Variants in TMEM108 observed in about 807,000 individuals in gnomAD.
TMEM108 encodes the protein cancer/testis antigen 124.
A neutral mutation model predicts 35.1 loss-of-function variants in TMEM108; 12 were observed. The observed-to-expected ratio is 0.34, with a 90% CI of 0.22 to 0.55. The LOEUF is 0.55. TMEM108 is among the 20% of genes least tolerant of loss of function. TMEM108 has a pLI of 0.89. For synonymous variants in TMEM108, 287 were observed against 308.6 expected (o/e 0.93, Z 0.73); for missense variants, 680 against 753.3 (o/e 0.90, Z 1.14).
intron 2 of TMEM108, among the ~76,000 whole-genome samples, chr3:133,174,022 G>A (rs187962740): frequency 2.4e-4 from 37 of 152,370 alleles, no homozygotes; most frequent in African/African-American, 8.4e-4. Flanking sequence ...CGGCACACCA[G>A]GAGATTATAT....
intron 3 of TMEM108, among the ~76,000 whole-genome samples, chr3:133,377,842 G>A (rs565010654): frequency 8.3e-4 from 126 of 152,320 alleles, no homozygotes; most frequent in African/African-American, 2.8e-3. Context: ...CCAGAGCTCT[G>A]CCTCCTGTCA....
chr3:133,328,824 T>C (rs1376800312), intron 3 of TMEM108, among the ~76,000 whole-genome samples: 1 of 152,148 alleles, frequency 6.6e-6, no homozygotes, highest in Non-Finnish European at 1.5e-5. Flanking sequence ...CCCTGAACAA[T>C]GCTTTCTGAA....
At chr3:133,070,771 G>T (rs1434124836) in intron 2 of TMEM108, among the ~76,000 whole-genome samples, 1 of 149,516 alleles carries the variant, frequency 6.7e-6, no homozygotes, top group Non-Finnish European at 1.5e-5. Context: ...GTGTGTGTGT[G>T]TATCTGTGTG....
intron 2 of TMEM108, among the ~76,000 whole-genome samples, chr3:133,091,269 TC>T (rs1943943900): frequency 6.6e-6 from 1 of 152,210 alleles, no homozygotes; most frequent in South Asian, 2.1e-4. Context: ...CCTGGCTTTT[TC>T]TGTACTCTAG....
intron 2 of TMEM108, among the ~76,000 whole-genome samples, chr3:133,200,217 G>A (rs552559834): frequency 6.6e-6 from 1 of 152,312 alleles, no homozygotes; most frequent in Admixed American, 6.5e-5. Flanking sequence ...GTGCTTACCA[G>A]GTGAGGCAAT....
intron 2 of TMEM108, among the ~76,000 whole-genome samples, chr3:133,212,865 T>TTA (rs1576386367): frequency 6.0e-5 from 2 of 33,294 alleles, no homozygotes; most frequent in Non-Finnish European, 1.1e-4. Context: ...AGACTCTGTC[T>TTA]CAAAAAAAAA....
chr3:133,390,457 A>T (rs569731432), intron 5 of TMEM108, 123 bp downstream of exon 5: 23 of 1,114,972 alleles, frequency 2.1e-5, no homozygotes, highest in Non-Finnish European at 3.0e-5. Flanking sequence ...AGCAGTATCA[A>T]TAACACCCAA....
chr3:133,105,976 G>C (rs1333187481), intron 2 of TMEM108, among the ~76,000 whole-genome samples: 1 of 152,162 alleles, frequency 6.6e-6, no homozygotes, highest in Non-Finnish European at 1.5e-5. Context: ...CGACAGTTCA[G>C]TTAATCAAAT....
intron 2 of TMEM108, among the ~76,000 whole-genome samples, chr3:133,085,958 G>C (rs1429195167): frequency 6.6e-6 from 1 of 151,958 alleles, no homozygotes; most frequent in African/African-American, 2.4e-5. Flanking sequence ...TAAATCAGGG[G>C]TTTCTATTTT....
intron 3 of TMEM108, among the ~76,000 whole-genome samples, chr3:133,312,511 A>G (rs757934265): frequency 4.6e-5 from 7 of 152,234 alleles, no homozygotes; most frequent in Non-Finnish European, 1.0e-4. Flanking sequence ...GCTGTGAGCA[A>G]GGCTCTGTGG....
At chr3:133,120,410 G>A (rs757157434) in intron 2 of TMEM108, among the ~76,000 whole-genome samples, 11 of 152,144 alleles carry the variant, frequency 7.2e-5, no homozygotes, top group East Asian at 1.9e-4. Flanking sequence ...CACATTTAGC[G>A]TTCAAGCCCC....
At chr3:133,215,163 T>C (rs991443587) in intron 2 of TMEM108, among the ~76,000 whole-genome samples, 13 of 152,192 alleles carry the variant, frequency 8.5e-5, no homozygotes, top group African/African-American at 3.1e-4. Flanking sequence ...AGACACCTTA[T>C]TTAGTATGTA....
At chr3:133,265,175 T>C (rs1946680148) in intron 3 of TMEM108, among the ~76,000 whole-genome samples, 1 of 152,246 alleles carries the variant, frequency 6.6e-6, no homozygotes, top group Non-Finnish European at 1.5e-5. Flanking sequence ...ATAGATCTGC[T>C]AGGAATCATC....
chr3:133,294,800 T>C (rs1406105121), intron 3 of TMEM108, among the ~76,000 whole-genome samples: 1 of 152,194 alleles, frequency 6.6e-6, no homozygotes, highest in Admixed American at 6.5e-5. Flanking sequence ...TGGGGTAATT[T>C]CAGATTTATG....
At chr3:133,051,753 C>T (rs1036591033) in intron 2 of TMEM108, among the ~76,000 whole-genome samples, 4 of 152,088 alleles carry the variant, frequency 2.6e-5, no homozygotes, top group Middle Eastern at 3.2e-3. Flanking sequence ...TTACCAGCAT[C>T]ATTTGTTGCT....
chr3:133,351,048 T>C (rs183174249), intron 3 of TMEM108, among the ~76,000 whole-genome samples: 18 of 152,288 alleles, frequency 1.2e-4, no homozygotes, highest in Non-Finnish European at 2.1e-4. Flanking sequence ...AACAACAATC[T>C]TGACAATTGG....
chr3:133,308,477 G>A (rs1176273159), intron 3 of TMEM108, among the ~76,000 whole-genome samples: 1 of 152,124 alleles, frequency 6.6e-6, no homozygotes, highest in African/African-American at 2.4e-5. Context: ...TGCCCATTCA[G>A]TATGATATTC....
intron 2 of TMEM108, among the ~76,000 whole-genome samples, chr3:133,221,337 G>A (rs1461901438): frequency 6.6e-6 from 1 of 151,972 alleles, no homozygotes; most frequent in Non-Finnish European, 1.5e-5. Context: ...AGGGATTTAG[G>A]AACTCTGTGT....
chr3:133,322,585 C>G (rs923760585), intron 3 of TMEM108, among the ~76,000 whole-genome samples: 8 of 152,212 alleles, frequency 5.3e-5, no homozygotes, highest in Admixed American at 2.0e-4. Context: ...TGAATTCCAT[C>G]AGGCATTCAA....
Sources: allele counts gnomAD v4.1 joint callset (sites outside exome capture counted in the v4.1 genomes callset), GRCh38; gene constraint gnomAD v4.1.1; transcripts MANE v1.5; gene names NCBI Gene and HGNC (gene_info 2026-07-23, HGNC 2026-07-21).